The following DSCAM variants were observed in gnomAD, a reference collection of about 807,000 sequenced individuals.
The protein encoded by DSCAM is DS cell adhesion molecule, also known as cell adhesion molecule DSCAM.
A neutral mutation model predicts 217.7 loss-of-function variants in DSCAM; 47 were observed. The observed-to-expected ratio is 0.22, with a 90% confidence interval of 0.17 to 0.28. The LOEUF (loss-of-function observed/expected upper bound fraction) is 0.28, where lower values mean the gene tolerates loss of function less well. Ranked by LOEUF, DSCAM falls within the 10% of genes least tolerant of loss-of-function variation. The pLI, the probability that DSCAM is intolerant of heterozygous loss-of-function variation, is 1.00. For synonymous variants in DSCAM, 1,056 were observed against 1,015.3 expected (o/e 1.04, Z -0.76); for missense variants, 2,080 against 2,618.3 (o/e 0.79, Z 4.49).
At chr21:40,044,028 C>A in intron 31 of DSCAM, 50 bp downstream of exon 31, 1 of 1,590,736 alleles carries the variant, frequency 6.3e-7, no homozygotes, top group Non-Finnish European at 8.6e-7. Flanking sequence ...GCTCAAGGTG[C>A]GGGGGCCGTG....
rs560088224 is a variant in DSCAM at position 40,174,183 on chromosome 21, G to A, written c.2947+4744C>T. On this transcript the variant is annotated intron_variant, in intron 15 of 32. Transcript: ENST00000400454. The stretch of plus-strand genomic sequence containing the variant: ...TTGTTGTGGGGGCTGCTGGTGCTAG[G>A]GGTGGTTGGGGAAGCCATGAAGACT... Among the ~76,000 whole-genome samples the A allele has an allele frequency of 1.3e-4, 20 of 152,296 alleles. No individual in the cohort carries two copies. In the South Asian group the frequency reaches 2.5e-3, roughly 19 times the overall value.
At chr21:40,670,818 A>G (rs1217756192) in intron 3 of DSCAM, among the ~76,000 whole-genome samples, 3 of 152,192 alleles carry the variant, frequency 2.0e-5, no homozygotes, top group African/African-American at 7.2e-5. Context: ...CATTTCCCCA[A>G]TAATTCATGT....
chr21:40,148,193 CT>C (rs141767088), intron 16 of DSCAM, among the ~76,000 whole-genome samples: 5 of 151,350 alleles, frequency 3.3e-5, no homozygotes, highest in African/African-American at 7.3e-5. Flanking sequence ...GTTTTTACAT[CT>C]TTTTTTTTCA....
chr21:40,298,321 T>C (rs1008109712), intron 9 of DSCAM, among the ~76,000 whole-genome samples: 5 of 152,034 alleles, frequency 3.3e-5, no homozygotes, highest in African/African-American at 1.2e-4. Context: ...GATCTCGTGA[T>C]CCACCAGCCT....
intron 3 of DSCAM, among the ~76,000 whole-genome samples, chr21:40,454,165 A>G (rs1323157007): frequency 6.6e-6 from 1 of 152,202 alleles, no homozygotes; most frequent in Non-Finnish European, 1.5e-5. Flanking sequence ...TTTCTAATCT[A>G]TATCAAATGT....
At chr21:40,381,699 C>T (rs1036061109) in intron 3 of DSCAM, among the ~76,000 whole-genome samples, 1 of 152,162 alleles carries the variant, frequency 6.6e-6, no homozygotes, top group African/African-American at 2.4e-5. Flanking sequence ...AAAATAGGAA[C>T]CACCATAAAG....
intron 3 of DSCAM, among the ~76,000 whole-genome samples, chr21:40,551,811 G>C (rs560520395): frequency 1.3e-5 from 2 of 152,076 alleles, no homozygotes; most frequent in African/African-American, 4.8e-5. Context: ...CTGCTCAGTC[G>C]TGTCTAAACT....
At chr21:40,277,302 C>T (rs574611208) in intron 10 of DSCAM, among the ~76,000 whole-genome samples, 1 of 152,242 alleles carries the variant, frequency 6.6e-6, no homozygotes, top group South Asian at 2.1e-4. Context: ...TCAGACGTCT[C>T]CACAGGCCTC....
intron 4 of DSCAM, among the ~76,000 whole-genome samples, chr21:40,354,841 T>C (rs2074673716): frequency 9.1e-6 from 1 of 110,408 alleles, no homozygotes; most frequent in African/African-American, 4.0e-5. Context: ...AGAGAGAAAC[T>C]CTGTCTCAAA....
intron 3 of DSCAM, among the ~76,000 whole-genome samples, chr21:40,690,227 T>C (rs2090524568): frequency 6.6e-6 from 1 of 152,162 alleles, no homozygotes; most frequent in Non-Finnish European, 1.5e-5. Flanking sequence ...GCTCAGACAC[T>C]GGGAACAGGG....
chr21:40,194,920 T>C (rs1186936390), intron 11 of DSCAM, among the ~76,000 whole-genome samples: 1 of 152,118 alleles, frequency 6.6e-6, no homozygotes, highest in African/African-American at 2.4e-5. Context: ...CCTCTCCCCC[T>C]CAATAGCTAA....
chr21:40,701,269 T>C (rs2146467503), intron 2 of DSCAM, among the ~76,000 whole-genome samples: 1 of 152,370 alleles, frequency 6.6e-6, no homozygotes, highest in Admixed American at 6.5e-5. Flanking sequence ...TTAATACCTG[T>C]AGAAGATAAA....
chr21:40,710,263 C>T (rs930593840), intron 1 of DSCAM, among the ~76,000 whole-genome samples: 3 of 147,036 alleles, frequency 2.0e-5, no homozygotes, highest in Non-Finnish European at 1.5e-5. Flanking sequence ...AATGTCAAAT[C>T]AACAATACAC....
At chr21:40,429,238 T>C (rs2075506364) in intron 3 of DSCAM, among the ~76,000 whole-genome samples, 2 of 151,910 alleles carry the variant, frequency 1.3e-5, no homozygotes, top group African/African-American at 2.4e-5. Context: ...TTATGGACTT[T>C]AGAGAGGCAG....
At chr21:40,259,726 T>C (rs1426697983) in intron 11 of DSCAM, among the ~76,000 whole-genome samples, 4 of 124,152 alleles carry the variant, frequency 3.2e-5, no homozygotes, top group Non-Finnish European at 1.6e-5. Flanking sequence ...CAGGCTGGAG[T>C]GCAGTGGCGA....
intron 1 of DSCAM, among the ~76,000 whole-genome samples, chr21:40,780,718 C>T (rs974338794): frequency 6.6e-6 from 1 of 151,874 alleles, no homozygotes; most frequent in African/African-American, 2.4e-5. Flanking sequence ...GAGGGGTGGG[C>T]CTATAAAGAC....
At chr21:40,222,982 T>A (rs372675345) in intron 11 of DSCAM, among the ~76,000 whole-genome samples, 24 of 152,318 alleles carry the variant, frequency 1.6e-4, no homozygotes, top group African/African-American at 5.8e-4. Context: ...TAAACTTTAA[T>A]CCCTGGAAAT....
intron 26 of DSCAM, among the ~76,000 whole-genome samples, chr21:40,077,876 C>G (rs899953563): frequency 2.6e-5 from 4 of 152,316 alleles, no homozygotes; most frequent in Admixed American, 2.6e-4. Flanking sequence ...CCGTTTTTAC[C>G]TTGCAATTAG....
intron 3 of DSCAM, among the ~76,000 whole-genome samples, chr21:40,684,029 A>G (rs2090447191): frequency 6.7e-6 from 1 of 149,498 alleles, no homozygotes; most frequent in South Asian, 2.2e-4. Context: ...GATCGAGACC[A>G]TCCTGGCTAA....
Sources: allele counts gnomAD v4.1 joint callset (sites outside exome capture counted in the v4.1 genomes callset), GRCh38; gene constraint gnomAD v4.1.1; transcripts MANE v1.5; gene names NCBI Gene and HGNC (gene_info 2026-07-23, HGNC 2026-07-21).